The following THOC5 variants were observed in gnomAD, a reference collection of about 807,000 sequenced individuals.
The protein encoded by THOC5 is Fms-interacting protein.
THOC5 carries 43 observed loss-of-function variants against 92.9 expected under a neutral mutation model. The observed-to-expected ratio is 0.46, with a 90% confidence interval of 0.36 to 0.60. The LOEUF is 0.60. Among genes scored for constraint, THOC5 ranks in the 20% least tolerant of loss-of-function variants. The probability of loss-of-function intolerance (pLI) is 0.00; values close to 1 mark genes in which losing one functional copy is unlikely to be tolerated. For synonymous variants in THOC5, 296 were observed against 320.1 expected, an observed-to-expected ratio of 0.92 and a Z score of 0.80; for missense variants, 659 against 849.4, an observed-to-expected ratio of 0.78 and a Z score of 2.79.
intron 8 of THOC5, among the ~76,000 whole-genome samples, chr22:29,530,519 CA>C (rs34295037): frequency 1.3e-3 from 196 of 147,696 alleles, no homozygotes; most frequent in African/African-American, 4.4e-3. Context: ...GACTCCATCT[CA>C]AAAAAAAAAA....
chr22:29,552,799 G>C (rs956356326), intron 1 of THOC5, among the ~76,000 whole-genome samples: 2 of 152,158 alleles, frequency 1.3e-5, no homozygotes, highest in South Asian at 2.1e-4. Flanking sequence ...CTAGTAGAGA[G>C]GGGGGAAATG....
intron 9 of THOC5, 62 bp downstream of exon 9, chr22:29,529,100 C>G: frequency 6.5e-7 from 1 of 1,538,712 alleles, no homozygotes; most frequent in Non-Finnish European, 9.0e-7. Flanking sequence ...CTCCAAAGAC[C>G]AGGACTGCCC....
At chr22:29,551,849 T>C (rs2064154538) in intron 1 of THOC5, among the ~76,000 whole-genome samples, 1 of 128,274 alleles carries the variant, frequency 7.8e-6, no homozygotes, top group African/African-American at 3.0e-5. Context: ...GAAGCTGGAC[T>C]GTACTGCGGC....
intron 16 of THOC5, 61 bp downstream of exon 16, chr22:29,517,202 A>G (rs1412347615): frequency 1.2e-6 from 2 of 1,606,174 alleles, no homozygotes; most frequent in African/African-American, 2.7e-5. Flanking sequence ...CAGGAGCTGA[A>G]AGGTGACATG....
intron 17 of THOC5, among the ~76,000 whole-genome samples, chr22:29,514,668 G>C (rs1467543041): frequency 1.3e-5 from 2 of 150,914 alleles, no homozygotes; most frequent in East Asian, 3.9e-4. Context: ...TCTAAATTTT[G>C]CTTTTCAATT....
At chr22:29,531,706 T>G in intron 8 of THOC5, 125 bp downstream of exon 8, 1 of 1,482,560 alleles carries the variant, frequency 6.7e-7, no homozygotes, top group Non-Finnish European at 8.9e-7. Context: ...GAAGAAAGCT[T>G]CTGTCACCTG....
intron 2 of THOC5, among the ~76,000 whole-genome samples, chr22:29,546,490 C>T (rs2064023353): frequency 6.6e-6 from 1 of 152,020 alleles, no homozygotes; most frequent in East Asian, 1.9e-4. Flanking sequence ...AGTGCAGTGG[C>T]ATGATCTCAG....
At chr22:29,549,643 G>C (rs2064101550) in intron 1 of THOC5, among the ~76,000 whole-genome samples, 1 of 152,004 alleles carries the variant, frequency 6.6e-6, no homozygotes, top group South Asian at 2.1e-4. Flanking sequence ...ACCTTTGCTG[G>C]CTCTTCATAA....
intron 8 of THOC5, chr22:29,531,314 G>A: frequency 4.1e-6 from 4 of 985,426 alleles, no homozygotes; most frequent in Non-Finnish European, 4.8e-6. Flanking sequence ...GCAAAAGGCA[G>A]AGTCTCCAAA....
At position 29,549,043 on chromosome 22, in the gene THOC5, T is replaced by A. The variant is rs764351414; in HGVS notation, c.96+9A>T. ...TTCTCAGCAGCATGGCAACCCTGAC[T>A]GATCTCACCTGCTCGGTGTCAGATC... On this transcript the variant is annotated intron_variant, in intron 2 of 19. Transcript: ENST00000490103. 2.5e-6 allele frequency: 4 copies of A among 1,613,516 alleles called. No individual in the cohort carries two copies. Among genetic ancestry groups the A allele is most frequent in the Non-Finnish European group, 3.4e-6 (4 of 1,179,788 alleles).
At chr22:29,527,504 G>T (rs2063567846) in intron 11 of THOC5, among the ~76,000 whole-genome samples, 1 of 152,126 alleles carries the variant, frequency 6.6e-6, no homozygotes, top group Non-Finnish European at 1.5e-5. Context: ...AATAAAGTGG[G>T]AAGCAGATAA....
chr22:29,522,108 T>C (rs1035958710), intron 12 of THOC5, among the ~76,000 whole-genome samples: 2 of 151,260 alleles, frequency 1.3e-5, no homozygotes, highest in African/African-American at 4.9e-5. Flanking sequence ...CCCAGCACTT[T>C]GAGAGGCCGA....
intron 11 of THOC5, among the ~76,000 whole-genome samples, chr22:29,526,334 C>A (rs1416551799): frequency 1.3e-5 from 2 of 152,016 alleles, no homozygotes; most frequent in African/African-American, 2.4e-5. Context: ...AGATCGAGAC[C>A]ATCCTGGCTA....
At chr22:29,552,858 A>G (rs528678868) in intron 1 of THOC5, among the ~76,000 whole-genome samples, 1 of 151,702 alleles carries the variant, frequency 6.6e-6, no homozygotes, top group South Asian at 2.1e-4. Flanking sequence ...GTGTGGAGAG[A>G]GGTGGACAAG....
chr22:29,512,401 C>G (rs2063242332), intron 17 of THOC5, among the ~76,000 whole-genome samples: 1 of 152,218 alleles, frequency 6.6e-6, no homozygotes, highest in Non-Finnish European at 1.5e-5. Flanking sequence ...GTCTGGTCCA[C>G]CTTGGCTCTC....
chr22:29,528,937 C>T lies in THOC5; in HGVS notation c.925+225G>A, dbSNP rs576471643. ...ACTGAGGCTCTGAAATATTAAATACCTTCCTCGGGGTCAGTCAGCTAGTGA... is the reference window on the plus strand; with the variant it reads ...ACTGAGGCTCTGAAATATTAAATACTTTCCTCGGGGTCAGTCAGCTAGTGA... On this transcript the variant is annotated intron_variant, in intron 9 of 19. Transcript: ENST00000490103. 523 of 565,530 alleles carry T rather than the reference C, an allele frequency of 9.2e-4. 2 individuals are homozygous for T. The highest frequency in any genetic ancestry group is 1.4e-3 in the Non-Finnish European group (463 of 319,562). 35.0% of individuals were successfully genotyped at this position (565,530 alleles called of 1,614,324 possible).
chr22:29,537,130 G>GT (rs1336087224), intron 6 of THOC5, among the ~76,000 whole-genome samples: 1 of 152,244 alleles, frequency 6.6e-6, no homozygotes, highest in Non-Finnish European at 1.5e-5. Context: ...TGCTTGAGAG[G>GT]TAAGACCTAA....
chr22:29,521,694 G>A (rs1372090403), intron 12 of THOC5, among the ~76,000 whole-genome samples: 1 of 152,196 alleles, frequency 6.6e-6, no homozygotes, highest in African/African-American at 2.4e-5. Flanking sequence ...TACAAGCGGA[G>A]AGAAATAGTG....
At chr22:29,535,817 C>T (rs1045727402) in intron 7 of THOC5, 1 of 152,138 alleles carries the variant, frequency 6.6e-6, no homozygotes, top group South Asian at 2.1e-4. Context: ...GTAGCTGGGA[C>T]GACAGGCACA....
Sources: gnomAD v4.1 joint callset for allele counts (sites outside exome capture counted in the v4.1 genomes callset) on GRCh38, gnomAD v4.1.1 for gene constraint, MANE v1.5 for transcripts, NCBI Gene and HGNC (gene_info 2026-07-23, HGNC 2026-07-21) for gene names.